The following IKBKB variants were observed in gnomAD, a reference collection of about 807,000 sequenced individuals.
The protein encoded by IKBKB is inhibitor of nuclear factor kappa-B kinase subunit beta.
Under a neutral mutation model 113.6 loss-of-function variants are expected in IKBKB, and 42 were observed. That is an observed-to-expected ratio of 0.37 (90% CI 0.29 to 0.48). The LOEUF (loss-of-function observed/expected upper bound fraction) is 0.48, where lower values mean the gene tolerates loss of function less well. IKBKB is among the 20% of genes least tolerant of loss of function. The pLI, the probability that IKBKB is intolerant of heterozygous loss-of-function variation, is 0.99. For missense variants in IKBKB, 673 were observed against 939.7 expected (o/e 0.72, Z 3.71); for synonymous variants, 296 against 361.3 (o/e 0.82, Z 2.05).
At chr8:42,330,700 G>C in intron 21 of IKBKB, 1 of 423,192 alleles carries the variant, frequency 2.4e-6, no homozygotes, top group Non-Finnish European at 3.2e-6. Flanking sequence ...AGTAGAAATG[G>C]GGTTTCACCA....
intron 8 of IKBKB, among the ~76,000 whole-genome samples, chr8:42,309,930 A>G (rs1817389342): frequency 6.6e-6 from 1 of 152,166 alleles, no homozygotes; most frequent in South Asian, 2.1e-4. Context: ...TGTGCAGGAT[A>G]TGTTTATATA....
intron 7 of IKBKB, among the ~76,000 whole-genome samples, chr8:42,306,780 A>G (rs996512145): frequency 2.6e-5 from 4 of 152,182 alleles, no homozygotes; most frequent in African/African-American, 2.4e-5. Flanking sequence ...AGCAGCTAGG[A>G]CTACAGGCAG....
intron 6 of IKBKB, among the ~76,000 whole-genome samples, chr8:42,305,844 C>T (rs1033743073): frequency 3.9e-5 from 6 of 152,258 alleles, no homozygotes; most frequent in African/African-American, 1.4e-4. Context: ...ACAGGCTCAG[C>T]TGAGTGGAAT....
chr8:42,330,960 G>C lies in IKBKB; in HGVS notation c.2252G>C (p.Cys751Ser), dbSNP rs759520634. 2 of 1,614,174 alleles carry C rather than the reference G, an allele frequency of 1.2e-6. No homozygotes were observed. The highest frequency in any genetic ancestry group is 1.7e-6 in the Non-Finnish European group (2 of 1,180,034). Reference sequence around the variant, plus strand: ...CAGACGGAAGAAGAAGAGCACAGCTGCCTGGAGCAGGCCTCATGATGTGGG... The same window carrying C: ...CAGACGGAAGAAGAAGAGCACAGCTCCCTGGAGCAGGCCTCATGATGTGGG... ...WLQTEEEEHS[C>S]LEQAS Residue 751 changes from cysteine to serine, a missense_variant, in exon 22 of 22, where the codon TGC (cysteine) becomes TCC (serine). Physicochemically the swap from Cys to Ser is moderately radical, Grantham distance 112. Around this residue, in one of 2 missense-constraint regions of IKBKB, gnomAD observed 506 missense variants for 638.7 expected, o/e 0.79. Transcript: ENST00000520810.
At position 42,311,063 on chromosome 8, in the gene IKBKB, C is replaced by T. The variant is rs562454507; in HGVS notation, c.692+2038C>T. ...GAAATAACAGATTAAAGAGTTTGCA[C>T]GTTGTAAAGGTTTTTGATGCATATT... On this transcript the variant is annotated intron_variant, in intron 8 of 21. Coordinates refer to ENST00000520810, the MANE Select transcript of IKBKB (RefSeq NM_001556.3). Among the ~76,000 whole-genome samples the T allele has an allele frequency of 2.5e-3, 382 of 152,232 alleles. 2 individuals carry two copies. Among genetic ancestry groups the T allele is most frequent in the African/African-American group, 8.7e-3 (360 of 41,544 alleles).
Position 42,297,240 on chromosome 8 carries a change from T to G in IKBKB, c.388+3728T>G, listed in dbSNP as rs571491307. ...ATTCTAAATCCATTAAATTTCTTTT[T>G]GCAAGGATCTGGTGACTGAGCCGGA... On this transcript the variant is annotated intron_variant, in intron 5 of 21. Transcript: ENST00000520810. Among the ~76,000 whole-genome samples, 28 of 152,372 alleles carry G rather than the reference T, an allele frequency of 1.8e-4. 1 individual carries two copies. The South Asian group carries it at 5.6e-3, about 30-fold the overall frequency.
At chr8:42,318,984 G>C in intron 13 of IKBKB, 1 of 540,234 alleles carries the variant, frequency 1.9e-6, no homozygotes, top group South Asian at 2.3e-5. Flanking sequence ...TCCCCTGACC[G>C]TGCTGCTGGG....
chr8:42,297,276 CAT>C (rs1334833057), intron 5 of IKBKB, among the ~76,000 whole-genome samples: 4 of 152,228 alleles, frequency 2.6e-5, no homozygotes, highest in African/African-American at 9.6e-5. Flanking sequence ...GTTCATCTAA[CAT>C]AGCTCTTTTG....
intron 2 of IKBKB, among the ~76,000 whole-genome samples, chr8:42,287,375 G>C (rs141562362): frequency 4.3e-4 from 66 of 152,388 alleles, no homozygotes; most frequent in African/African-American, 1.6e-3. Context: ...CTGTTACTCT[G>C]CAGAAAGTAA....
intron 2 of IKBKB, among the ~76,000 whole-genome samples, chr8:42,285,987 C>T (rs745919436): frequency 6.6e-6 from 1 of 151,960 alleles, no homozygotes; most frequent in Non-Finnish European, 1.5e-5. Context: ...TAAAGTGTGC[C>T]GTGGTTTTGG....
intron 2 of IKBKB, among the ~76,000 whole-genome samples, chr8:42,284,806 C>T (rs2076144877): frequency 6.7e-6 from 1 of 150,324 alleles, no homozygotes; most frequent in Admixed American, 6.7e-5. Context: ...TCGGGAGGTA[C>T]AGGGAGGTGT....
rs559456510 is a variant in IKBKB, at chr8:42,316,048, A to G, written c.801-162A>G. Among the ~76,000 whole-genome samples the G allele has an allele frequency of 6.6e-6, 1 of 152,316 alleles. No individual in the cohort carries two copies. The highest frequency in any genetic ancestry group is 2.4e-5 in the African/African-American group (1 of 41,566). On this transcript the variant is annotated intron_variant, in intron 9 of 21. Transcript: ENST00000520810. The surrounding 1 kb of genome is among the most constrained non-coding windows in gnomAD (Gnocchi z 4.5). Reference sequence around the variant, plus strand: ...TAGAATTCAGGAGAGAGGTGTGAACACCTGAATAATTGATTGGAAATGTTT... The same window carrying G: ...TAGAATTCAGGAGAGAGGTGTGAACGCCTGAATAATTGATTGGAAATGTTT...
At chr8:42,304,439 G>A (rs866891456) in intron 5 of IKBKB, among the ~76,000 whole-genome samples, 8 of 152,152 alleles carry the variant, frequency 5.3e-5, no homozygotes, top group African/African-American at 1.9e-4. Context: ...CACAGCAGAA[G>A]CTCTTGGTAT....
At position 42,331,101 on chromosome 8, in the gene IKBKB, G is replaced by T; in HGVS notation, c.*122G>T. 1.4e-6 allele frequency: 2 copies of T among 1,466,704 alleles called. No individual in the cohort carries two copies. Among genetic ancestry groups the T allele is most frequent in the Non-Finnish European group, 1.9e-6 (2 of 1,076,994 alleles). 90.9% of individuals were successfully genotyped at this position (1,466,704 alleles called of 1,614,324 possible). A position where few individuals can be genotyped will look rare whatever the true frequency, so the allele number is the denominator to read the frequency against. ...CCGCGTGACGTGGGGCTGCCTGGCC[G>T]CGGCTCTCACATGGTGGTTCCTGCT... On this transcript the variant is annotated 3_prime_UTR_variant, in exon 22 of 22. Transcript: ENST00000520810.
Position 42,272,220 on chromosome 8 carries a change from C to T in IKBKB, c.105+15C>T. On this transcript the variant is annotated intron_variant, in intron 2 of 21. Coordinates refer to ENST00000520810, the MANE Select transcript of IKBKB (RefSeq NM_001556.3). ...GGCACAATCAGGTAGGCCCTCTGTG[C>T]AGCTTGGGGAGGGGCGGGGAGCCAG... 1 of 1,614,082 alleles carries T rather than the reference C, an allele frequency of 6.2e-7. No homozygotes were observed. Among genetic ancestry groups the T allele is most frequent in the East Asian group, 2.2e-5 (1 of 44,866 alleles).
rs758211122 is a variant in IKBKB, at chr8:42,316,203, T to C, written c.801-7T>C. The C allele has an allele frequency of 2.5e-6, 4 of 1,613,830 alleles. No homozygotes were observed. Among genetic ancestry groups the C allele is most frequent in the Non-Finnish European group, 2.5e-6 (3 of 1,179,874 alleles). ...TGTCTCCTCACACACTATGCTCCTC[T>C]CCACAGTGTCCTGGCTGAGCGACTG... On this transcript the variant is annotated splice_polypyrimidine_tract_variant and splice_region_variant and intron_variant, in intron 9 of 21. Coordinates refer to ENST00000520810, the MANE Select transcript of IKBKB (RefSeq NM_001556.3). The surrounding 1 kb of genome is among the most constrained non-coding windows in gnomAD (Gnocchi z 4.5).
chr8:42,271,539 C>T, intron 1 of IKBKB, 70 bp downstream of exon 1: 2 of 595,366 alleles, frequency 3.4e-6, no homozygotes, highest in East Asian at 3.1e-5. Flanking sequence ...CTGCAAGGCC[C>T]GGAAGACCCC....
At chr8:42,322,789 G>A (rs1300141519) in intron 19 of IKBKB, among the ~76,000 whole-genome samples, 1 of 152,236 alleles carries the variant, frequency 6.6e-6, no homozygotes, top group East Asian at 1.9e-4. Context: ...GGTGACTCAT[G>A]CCTGTAACGC....
chr8:42,323,702 C>T (rs1412855718), intron 19 of IKBKB, among the ~76,000 whole-genome samples: 2 of 152,158 alleles, frequency 1.3e-5, no homozygotes, highest in Non-Finnish European at 2.9e-5. Flanking sequence ...CATGCCAGAG[C>T]ACTGAGCATG....
Sources: gnomAD v4.1 joint callset for allele counts (sites outside exome capture counted in the v4.1 genomes callset) on GRCh38, gnomAD v4.1.1 for gene constraint, gnomAD v4.1.1 regional missense constraint, Gnocchi (gnomAD v3.1) non-coding constraint, MANE v1.5 for transcripts, NCBI Gene and HGNC (gene_info 2026-07-23, HGNC 2026-07-21) for gene names.